The following SCARB1 variants were observed in gnomAD, a reference collection of about 807,000 sequenced individuals.
SCARB1 encodes CD36 and LIMPII analogous 1.
Under a neutral mutation model 57.2 loss-of-function variants are expected in SCARB1, and 30 were observed. The ratio of observed to expected loss-of-function variants is 0.52; its 90% confidence interval spans 0.39 to 0.71. The LOEUF (loss-of-function observed/expected upper bound fraction) is 0.71. Among genes scored for constraint, SCARB1 ranks in the 30% least tolerant of loss-of-function variants. The pLI, the probability that SCARB1 is intolerant of heterozygous loss-of-function variation, is 0.00. For synonymous variants in SCARB1, 249 were observed against 268.3 expected (o/e 0.93, Z 0.70); for missense variants, 543 against 671.2 (o/e 0.81, Z 2.11).
chr12:124,790,903 C>T (rs193039015), intron 9 of SCARB1, among the ~76,000 whole-genome samples: 48 of 152,352 alleles, frequency 3.2e-4, no homozygotes, highest in African/African-American at 1.1e-3. Context: ...AGCCTGGATT[C>T]GGGAGGCCTC....
chr12:124,853,391 T>TG (rs1491554234), intron 1 of SCARB1, among the ~76,000 whole-genome samples: 194 of 34,494 alleles, frequency 5.6e-3, no homozygotes, highest in African/African-American at 0.017. Context: ...CATAGTTTTG[T>TG]TTTTTTTTTT....
At position 124,800,081 on chromosome 12, in the gene SCARB1, A is replaced by G; in HGVS notation, c.1128+43T>C. ...AGAGGAGGCAGCCAGGTGTGCTCCA[A>G]CCAGGAATCACCCACCCCCCACAGA... On this transcript the variant is annotated intron_variant, in intron 8 of 12. Coordinates refer to ENST00000261693, the MANE Select transcript of SCARB1 (RefSeq NM_005505.5). The surrounding 1 kb of genome is among the most constrained non-coding windows in gnomAD (Gnocchi z 4.8). The G allele has an allele frequency of 1.4e-6, 2 of 1,457,896 alleles. No individual in the cohort carries two copies. Among genetic ancestry groups the G allele is most frequent in the Non-Finnish European group, 1.9e-6 (2 of 1,039,166 alleles). 90.3% of individuals were successfully genotyped at this position (1,457,896 alleles called of 1,614,324 possible).
Position 124,817,731 on chromosome 12 carries a change from C to A in SCARB1, c.127-24G>T. The stretch of plus-strand genomic sequence containing the variant: ...TTCTGCAGGGGAAGGGACAAGTACG[C>A]TTGTGAGGAGAGTGATGAGGGCCCC... On this transcript the variant is annotated intron_variant, in intron 1 of 12. Transcript: ENST00000261693. This position sits in a 1 kb window ranked among gnomAD's most constrained non-coding sequence, Gnocchi z 4.8. The A allele has an allele frequency of 1.9e-6, 3 of 1,613,888 alleles. No individual in the cohort carries two copies. The highest frequency in any genetic ancestry group is 2.5e-6 in the Non-Finnish European group (3 of 1,179,874).
chr12:124,860,558 T>C (rs988287270), intron 1 of SCARB1, among the ~76,000 whole-genome samples: 1 of 152,152 alleles, frequency 6.6e-6, no homozygotes, highest in East Asian at 1.9e-4. Flanking sequence ...ATAGGGGAAG[T>C]AGCACAGTCC....
rs1949942691 is a variant in SCARB1 at position 124,796,317 on chromosome 12, T to TAGCC, written c.1129-1053_1129-1050dup. Among the ~76,000 whole-genome samples, 1 of 152,174 alleles carries TAGCC rather than the reference T, an allele frequency of 6.6e-6. No individual in the cohort carries two copies. Among genetic ancestry groups the TAGCC allele is most frequent in the Non-Finnish European group, 1.5e-5 (1 of 68,032 alleles). On this transcript the variant is annotated intron_variant, in intron 8 of 12. Coordinates refer to ENST00000261693, the MANE Select transcript of SCARB1 (RefSeq NM_005505.5). This position sits in a 1 kb window ranked among gnomAD's most constrained non-coding sequence, Gnocchi z 4.0. ...GTTGCCCAGGCTGGCGTCAAACTCC[T>TAGCC]AGCCTCAAGTGATCTTCCTGCCTCA...
Position 124,815,009 on chromosome 12 carries a change from C to T in SCARB1, c.390G>A (p.Glu130=). 6.2e-7 allele frequency: 1 copy of T among 1,614,224 alleles called. No homozygotes were observed. The highest frequency in any genetic ancestry group is 8.5e-7 in the Non-Finnish European group (1 of 1,180,044). ...QFQPSKSHGS[E]SDYIVMPNIL... is the part of the protein sequence containing the mutation. The stretch of plus-strand genomic sequence containing the variant: ...TGTTGGGCATGACGATGTAGTCGCT[C>T]TCCGAGCCGTGGGACTTGGAGGGCT... The change falls in exon 3 of 13, where the codon GAG becomes GAA. Residue 130 remains glutamate (E), a synonymous_variant. Transcript: ENST00000261693.
chr12:124,800,785 C>T lies in SCARB1; in HGVS notation c.1010-543G>A, dbSNP rs1416200785. On this transcript the variant is annotated intron_variant, in intron 7 of 12. Coordinates refer to ENST00000261693, the MANE Select transcript of SCARB1 (RefSeq NM_005505.5). The surrounding 1 kb of genome is among the most constrained non-coding windows in gnomAD (Gnocchi z 4.8). ...ACAGGAGTGTGTCCCTGTAGACACA[C>T]CTGCTACAAATGTGAGCTCAACCTC... Among the ~76,000 whole-genome samples the T allele has an allele frequency of 1.3e-5, 2 of 152,190 alleles. No homozygotes were observed. The highest frequency in any genetic ancestry group is 2.9e-5 in the Non-Finnish European group (2 of 68,028).
At chr12:124,816,017 G>A (rs1259422619) in intron 2 of SCARB1, among the ~76,000 whole-genome samples, 1 of 150,526 alleles carries the variant, frequency 6.6e-6, no homozygotes, top group Non-Finnish European at 1.5e-5. Flanking sequence ...AACCCCAGCC[G>A]CACAGGCCTC....
chr12:124,857,665 T>A (rs1331004426), intron 1 of SCARB1, among the ~76,000 whole-genome samples: 2 of 152,126 alleles, frequency 1.3e-5, no homozygotes, highest in Non-Finnish European at 2.9e-5. Flanking sequence ...TACAGGGGTA[T>A]CAGGAAAAAA....
intron 1 of SCARB1, among the ~76,000 whole-genome samples, chr12:124,823,331 G>A (rs1315339698): frequency 4.6e-5 from 7 of 152,190 alleles, no homozygotes. Flanking sequence ...CAAACGACTT[G>A]AAAAGACCTT....
chr12:124,817,769 A>G lies in SCARB1; in HGVS notation c.127-62T>C. On this transcript the variant is annotated intron_variant, in intron 1 of 12. Transcript: ENST00000261693. The surrounding 1 kb of genome is among the most constrained non-coding windows in gnomAD (Gnocchi z 4.8). ...TGATGAGGGCCCCACGCCCCACCAC[A>G]AGGCTCCGGAACAGCTGCCCGAGCC... The G allele has an allele frequency of 6.3e-7, 1 of 1,583,216 alleles. No homozygotes were observed. The highest frequency in any genetic ancestry group is 8.7e-7 in the Non-Finnish European group (1 of 1,152,536).
chr12:124,825,543 C>T (rs1435754902), intron 1 of SCARB1, among the ~76,000 whole-genome samples: 1 of 150,620 alleles, frequency 6.6e-6, no homozygotes, highest in Admixed American at 6.6e-5. Context: ...CGGTGACATG[C>T]ACCTGTAGTC....
At chr12:124,862,218 G>A (rs1161579207) in intron 1 of SCARB1, among the ~76,000 whole-genome samples, 1 of 152,198 alleles carries the variant, frequency 6.6e-6, no homozygotes, top group East Asian at 1.9e-4. Flanking sequence ...GAGCTGTCAT[G>A]GGGGAGAAGA....
At chr12:124,809,790 T>TGAGCCTGAAGGGGCCAAGCAGAGCC (rs1950456295) in intron 6 of SCARB1, among the ~76,000 whole-genome samples, 1 of 152,198 alleles carries the variant, frequency 6.6e-6, no homozygotes, top group African/African-American at 2.4e-5. Flanking sequence ...GACACAGAGC[T>TGAGCCTGAAGGGGCCAAGCAGAGCC]GAGCCTGAAG....
chr12:124,806,964 C>T (rs1377182307), intron 7 of SCARB1, among the ~76,000 whole-genome samples: 1 of 147,980 alleles, frequency 6.8e-6, no homozygotes, highest in East Asian at 2.0e-4. Flanking sequence ...TTTGGGAGGC[C>T]GAGGCAGGCA....
At chr12:124,798,108 C>T (rs938034339) in intron 8 of SCARB1, among the ~76,000 whole-genome samples, 1 of 152,196 alleles carries the variant, frequency 6.6e-6, no homozygotes, top group African/African-American at 2.4e-5. Context: ...TACTGTTCAG[C>T]GTTTAAAAAG....
rs923838689 is a variant in SCARB1 at position 124,810,903 on chromosome 12, T to A, written c.727-614A>T. 2.0e-4 allele frequency among the ~76,000 whole-genome samples: 31 copies of A among 152,216 alleles called. No homozygotes were observed. Among genetic ancestry groups the A allele is most frequent in the Non-Finnish European group, 4.4e-4 (30 of 68,034 alleles). ...GTGAATGGCTACTGCCAGTTGCAGA[T>A]GGTGATTTTTGCCACTCTGGGCACC... On this transcript the variant is annotated intron_variant, in intron 5 of 12. Transcript: ENST00000261693. The surrounding 1 kb of genome is among the most constrained non-coding windows in gnomAD (Gnocchi z 4.0).
intron 1 of SCARB1, among the ~76,000 whole-genome samples, chr12:124,847,981 T>A (rs530565407): frequency 5.7e-4 from 87 of 152,260 alleles, no homozygotes; most frequent in African/African-American, 2.0e-3. Context: ...GATGCCAGTG[T>A]CCTGAAAGAC....
intron 12 of SCARB1, 133 bp downstream of exon 12, chr12:124,782,550 A>G: frequency 1.1e-6 from 1 of 876,454 alleles, no homozygotes; most frequent in South Asian, 1.7e-5. Context: ...ACAAATATGC[A>G]TCTTCAGTCT....
Sources: allele counts gnomAD v4.1 joint callset (sites outside exome capture counted in the v4.1 genomes callset), GRCh38; gene constraint gnomAD v4.1.1; non-coding constraint Gnocchi (gnomAD v3.1); transcripts MANE v1.5; gene names NCBI Gene and HGNC (gene_info 2026-07-23, HGNC 2026-07-21).